Variants in NRG3 observed in about 807,000 individuals in gnomAD.
NRG3 encodes the protein neuregulin 3, also known as pro-neuregulin-3, membrane-bound isoform.
NRG3 carries 31 observed loss-of-function variants against 66.9 expected under a neutral mutation model. The ratio of observed to expected loss-of-function variants is 0.46; its 90% CI spans 0.35 to 0.63. The LOEUF (loss-of-function observed/expected upper bound fraction) is 0.63. Ranked by LOEUF, NRG3 falls within the 20% of genes least tolerant of loss-of-function variation. The probability of loss-of-function intolerance (pLI) is 0.00; values close to 1 mark genes in which losing one functional copy is unlikely to be tolerated. For missense variants in NRG3, 910 were observed against 878.9 expected (o/e 1.04, Z -0.45); for synonymous variants, 393 against 359.4 (o/e 1.09, Z -1.06).
intron 2 of NRG3, among the ~76,000 whole-genome samples, chr10:82,362,548 G>GTTTTTT (rs10694679): frequency 4.1e-4 from 34 of 83,180 alleles, no homozygotes; most frequent in African/African-American, 8.4e-4. Flanking sequence ...TAATTTCTGG[G>GTTTTTT]TTTTTTTTTT....
At chr10:81,970,075 T>C (rs947188854) in intron 1 of NRG3, among the ~76,000 whole-genome samples, 1 of 152,224 alleles carries the variant, frequency 6.6e-6, no homozygotes, top group Admixed American at 6.5e-5. Flanking sequence ...ATAATGTTTG[T>C]ACCTATTAAG....
intron 2 of NRG3, among the ~76,000 whole-genome samples, chr10:82,609,566 T>C (rs1289573688): frequency 6.6e-6 from 1 of 151,588 alleles, no homozygotes; most frequent in Non-Finnish European, 1.5e-5. Context: ...ACAAGTTATA[T>C]TGTGCCAACA....
chr10:82,002,665 A>G (rs1263723639), intron 1 of NRG3, among the ~76,000 whole-genome samples: 1 of 152,112 alleles, frequency 6.6e-6, no homozygotes, highest in Non-Finnish European at 1.5e-5. Flanking sequence ...ATAATGTTAA[A>G]TATTATATGG....
At chr10:82,944,799 A>G (rs1241372730) in intron 4 of NRG3, among the ~76,000 whole-genome samples, 1 of 152,248 alleles carries the variant, frequency 6.6e-6, no homozygotes, top group African/African-American at 2.4e-5. Flanking sequence ...ATTTGTTCCC[A>G]ACATAATTCC....
intron 2 of NRG3, among the ~76,000 whole-genome samples, chr10:82,619,551 G>A (rs572114530): frequency 6.6e-6 from 1 of 152,286 alleles, no homozygotes; most frequent in African/African-American, 2.4e-5. Flanking sequence ...TGGTCTCCCT[G>A]AGATCACTCA....
At chr10:82,104,481 G>T (rs2066943401) in intron 1 of NRG3, among the ~76,000 whole-genome samples, 1 of 152,088 alleles carries the variant, frequency 6.6e-6, no homozygotes, top group African/African-American at 2.4e-5. Flanking sequence ...TGTAAAATTT[G>T]TAAAAAAATC....
chr10:82,542,894 C>T (rs986189611), intron 2 of NRG3, among the ~76,000 whole-genome samples: 1 of 144,788 alleles, frequency 6.9e-6, no homozygotes, highest in Non-Finnish European at 1.5e-5. Context: ...TCATTTAGAT[C>T]TTTTTTTTTT....
intron 2 of NRG3, among the ~76,000 whole-genome samples, chr10:82,391,956 T>C (rs890340532): frequency 2.5e-4 from 32 of 128,308 alleles, no homozygotes; most frequent in Non-Finnish European, 4.1e-4. Flanking sequence ...TTCTCATCAG[T>C]AGTGCTGCCA....
intron 1 of NRG3, among the ~76,000 whole-genome samples, chr10:82,033,395 C>G (rs2062657698): frequency 1.3e-5 from 2 of 152,052 alleles, no homozygotes; most frequent in African/African-American, 4.8e-5. Flanking sequence ...CAAGCATGTA[C>G]CATAAGAAGC....
chr10:82,825,847 C>T lies in NRG3; in HGVS notation c.1028-39564C>T, dbSNP rs535247315. On this transcript the variant is annotated intron_variant, in intron 3 of 8. Coordinates refer to ENST00000372141, the MANE Select transcript of NRG3 (RefSeq NM_001010848.4). The stretch of plus-strand genomic sequence containing the variant: ...GAAATAAATATAATTATGTTTGGTC[C>T]AGGCTGTTAAAAATGCATACTTTCT... Among the ~76,000 whole-genome samples, 6 of 152,108 alleles carry T rather than the reference C, an allele frequency of 3.9e-5. 1 individual carries two copies. The South Asian group carries it at 1.2e-3, about 32-fold the overall frequency.
chr10:82,821,957 C>G (rs928826380), intron 3 of NRG3, among the ~76,000 whole-genome samples: 10 of 152,138 alleles, frequency 6.6e-5, no homozygotes, highest in African/African-American at 2.4e-4. Context: ...TACCCTGCCC[C>G]CCACATGCCA....
At chr10:81,903,165 A>C (rs138186821) in intron 1 of NRG3, among the ~76,000 whole-genome samples, 1 of 152,250 alleles carries the variant, frequency 6.6e-6, no homozygotes, top group African/African-American at 2.4e-5. Flanking sequence ...ATCTCAAAAG[A>C]TGCTTGTACT....
At chr10:82,903,873 G>A (rs774398597) in intron 4 of NRG3, among the ~76,000 whole-genome samples, 21 of 151,824 alleles carry the variant, frequency 1.4e-4, no homozygotes, top group African/African-American at 1.5e-4. Context: ...TCCAAGGCTC[G>A]ACTGTACATT....
intron 2 of NRG3, among the ~76,000 whole-genome samples, chr10:82,464,004 T>A (rs951919985): frequency 6.6e-6 from 1 of 152,148 alleles, no homozygotes; most frequent in African/African-American, 2.4e-5. Context: ...GTTGTGTGAT[T>A]TAGATTTTAG....
At chr10:82,880,229 T>C (rs1842187181) in intron 4 of NRG3, among the ~76,000 whole-genome samples, 1 of 152,098 alleles carries the variant, frequency 6.6e-6, no homozygotes, top group South Asian at 2.1e-4. Flanking sequence ...TGACCTAATC[T>C]TTGGTTTGGG....
At chr10:82,047,491 A>G (rs1035230596) in intron 1 of NRG3, among the ~76,000 whole-genome samples, 1 of 152,000 alleles carries the variant, frequency 6.6e-6, no homozygotes, top group African/African-American at 2.4e-5. Context: ...TTTCATATCC[A>G]GCCAAACTAA....
At chr10:82,764,427 A>T (rs900159135) in intron 3 of NRG3, among the ~76,000 whole-genome samples, 16 of 145,208 alleles carry the variant, frequency 1.1e-4, no homozygotes, top group African/African-American at 3.4e-4. Flanking sequence ...GCCTAAGTGC[A>T]GTGGTGCAAT....
At chr10:82,003,077 G>T (rs1421935309) in intron 1 of NRG3, among the ~76,000 whole-genome samples, 2 of 152,160 alleles carry the variant, frequency 1.3e-5, no homozygotes, top group African/African-American at 4.8e-5. Flanking sequence ...AATAGTCTAA[G>T]AAATAAATGT....
chr10:82,304,512 T>G (rs1371576179), intron 1 of NRG3, among the ~76,000 whole-genome samples: 1 of 152,232 alleles, frequency 6.6e-6, no homozygotes, highest in Admixed American at 6.5e-5. Context: ...AATTTATTTC[T>G]TCTTTATTTT....
Sources: allele counts gnomAD v4.1 joint callset (sites outside exome capture counted in the v4.1 genomes callset), GRCh38; gene constraint gnomAD v4.1.1; transcripts MANE v1.5; gene names NCBI Gene and HGNC (gene_info 2026-07-23, HGNC 2026-07-21).